The following LUZP2 variants were observed in gnomAD, a reference collection of about 807,000 sequenced individuals.
LUZP2 encodes the protein leucine zipper protein 2.
Under a neutral mutation model 51.6 loss-of-function variants are expected in LUZP2, and 52 were observed. The observed-to-expected ratio is 1.01, with a 90% CI of 0.81 to 1.27. The LOEUF (loss-of-function observed/expected upper bound fraction) is 1.27, where lower values mean the gene tolerates loss of function less well. LUZP2 is among the 50% of genes most tolerant of loss of function. LUZP2 has a pLI of 0.00. For missense variants in LUZP2, 436 were observed against 395.4 expected (o/e 1.10, Z -0.87); for synonymous variants, 154 against 137.3 (o/e 1.12, Z -0.85).
intron 1 of LUZP2, among the ~76,000 whole-genome samples, chr11:24,544,738 A>G (rs747656493): frequency 9.9e-5 from 15 of 152,058 alleles, no homozygotes; most frequent in Non-Finnish European, 2.1e-4. Flanking sequence ...GTGCTGCAAT[A>G]AGCACTATTT....
intron 1 of LUZP2, among the ~76,000 whole-genome samples, chr11:24,682,612 ATGTG>A (rs1167012974): frequency 1.1e-4 from 16 of 144,342 alleles, no homozygotes; most frequent in East Asian, 6.3e-4. Flanking sequence ...ATATATGTGT[ATGTG>A]TATATATATA....
At chr11:24,686,691 A>G (rs1479496958) in intron 1 of LUZP2, among the ~76,000 whole-genome samples, 1 of 152,134 alleles carries the variant, frequency 6.6e-6, no homozygotes, top group Non-Finnish European at 1.5e-5. Context: ...GCTTGCGTCT[A>G]TTTCTGTTGG....
At chr11:24,623,381 T>A (rs1378723793) in intron 1 of LUZP2, among the ~76,000 whole-genome samples, 3 of 152,210 alleles carry the variant, frequency 2.0e-5, no homozygotes, top group Non-Finnish European at 2.9e-5. Flanking sequence ...GTATGTTATC[T>A]CTTTTAAGTT....
intron 1 of LUZP2, among the ~76,000 whole-genome samples, chr11:24,635,143 C>G (rs955948644): frequency 5.3e-5 from 8 of 151,772 alleles, no homozygotes; most frequent in African/African-American, 1.7e-4. Context: ...GGTCAACATA[C>G]CCATGTAACA....
intron 5 of LUZP2, among the ~76,000 whole-genome samples, chr11:24,885,724 A>C (rs751170): frequency 0.49 from 74,963 of 151,934 alleles, 19,008 homozygotes; most frequent in East Asian, 0.75. Flanking sequence ...TGCAGGTAGT[A>C]TAAGAGATTA....
intron 4 of LUZP2, among the ~76,000 whole-genome samples, chr11:24,759,907 G>A (rs1463353373): frequency 6.6e-6 from 1 of 152,128 alleles, no homozygotes; most frequent in South Asian, 2.1e-4. Context: ...AGCCTCATGA[G>A]GGTCTGAGAA....
chr11:24,550,284 A>AT (rs1564985152), intron 1 of LUZP2, among the ~76,000 whole-genome samples: 1 of 152,104 alleles, frequency 6.6e-6, no homozygotes, highest in Non-Finnish European at 1.5e-5. Flanking sequence ...TTAAAGAATA[A>AT]TTTTGAAGTT....
chr11:24,571,937 T>C (rs1435226465), intron 1 of LUZP2, among the ~76,000 whole-genome samples: 1 of 152,062 alleles, frequency 6.6e-6, no homozygotes, highest in Non-Finnish European at 1.5e-5. Flanking sequence ...TGTTACTCTT[T>C]CCATATTTCT....
intron 2 of LUZP2, among the ~76,000 whole-genome samples, chr11:24,731,437 G>T (rs559081216): frequency 6.6e-6 from 1 of 151,798 alleles, no homozygotes; most frequent in African/African-American, 2.4e-5. Context: ...AAAGTTATTA[G>T]AGAAGGCTTA....
rs973506023 is a variant in LUZP2, at chr11:24,591,570, A to G, written c.62+94265A>G. On this transcript the variant is annotated intron_variant, in intron 1 of 11. Transcript: ENST00000336930. Reference sequence around the variant, plus strand: ...ATAGCCTTTAGAGTCAACTTTGCTCAAAGTCTGACTTTGCCTGTTAATATG... The same window carrying G: ...ATAGCCTTTAGAGTCAACTTTGCTCGAAGTCTGACTTTGCCTGTTAATATG... Among the ~76,000 whole-genome samples, 7 of 152,314 alleles carry G rather than the reference A, an allele frequency of 4.6e-5. 1 individual carries two copies. In the South Asian group the frequency reaches 1.0e-3, roughly 23 times the overall value.
At chr11:24,722,925 AAG>A (rs1366897925) in intron 1 of LUZP2, among the ~76,000 whole-genome samples, 68 of 151,800 alleles carry the variant, frequency 4.5e-4, no homozygotes, top group African/African-American at 1.5e-3. Context: ...TTAAAAAAAA[AAG>A]AGAGAGAGAG....
intron 9 of LUZP2, among the ~76,000 whole-genome samples, chr11:25,012,871 G>A (rs568283769): frequency 2.6e-5 from 4 of 152,150 alleles, no homozygotes; most frequent in Admixed American, 6.6e-5. Flanking sequence ...GCACTACTGG[G>A]TATCAACCCA....
At chr11:24,823,117 AAACAC>A (rs2134161659) in intron 5 of LUZP2, among the ~76,000 whole-genome samples, 1 of 152,328 alleles carries the variant, frequency 6.6e-6, no homozygotes, top group East Asian at 1.9e-4. Flanking sequence ...AGGTGTTGAT[AAACAC>A]AATGAAGCTA....
chr11:24,932,473 C>T (rs7933511), intron 7 of LUZP2, among the ~76,000 whole-genome samples: 72,531 of 151,782 alleles, frequency 0.48, 17,562 homozygotes, highest in East Asian at 0.76. Flanking sequence ...GTGATTCTTG[C>T]GGCAGCTGCT....
intron 5 of LUZP2, chr11:24,786,254 T>C (rs560822146): frequency 2.1e-6 from 2 of 965,754 alleles, no homozygotes; most frequent in East Asian, 2.3e-4. Flanking sequence ...CATGCATGCA[T>C]GTTTGATATA....
At chr11:24,681,815 A>G (rs1166057880) in intron 1 of LUZP2, among the ~76,000 whole-genome samples, 5 of 152,224 alleles carry the variant, frequency 3.3e-5, no homozygotes, top group African/African-American at 1.2e-4. Flanking sequence ...ACATTAGTTC[A>G]GCAAGCATCA....
chr11:24,832,361 C>T (rs907057510), intron 5 of LUZP2, among the ~76,000 whole-genome samples: 19 of 151,822 alleles, frequency 1.3e-4, no homozygotes, highest in East Asian at 3.9e-4. Flanking sequence ...TAGTCTTGCA[C>T]GCTTACAGGG....
At chr11:24,666,087 T>C (rs1356936764) in intron 1 of LUZP2, among the ~76,000 whole-genome samples, 1 of 152,176 alleles carries the variant, frequency 6.6e-6, no homozygotes, top group African/African-American at 2.4e-5. Context: ...TTTACTAACT[T>C]ACATTCAGAG....
chr11:24,833,000 C>T (rs1220098725), intron 5 of LUZP2, among the ~76,000 whole-genome samples: 1 of 152,120 alleles, frequency 6.6e-6, no homozygotes, highest in Non-Finnish European at 1.5e-5. Context: ...GACTAATCAC[C>T]TAACCTCTTT....
Sources: allele counts gnomAD v4.1 joint callset (sites outside exome capture counted in the v4.1 genomes callset), GRCh38; gene constraint gnomAD v4.1.1; transcripts MANE v1.5; gene names NCBI Gene and HGNC (gene_info 2026-07-23, HGNC 2026-07-21).